The following COL4A5 variants were observed in gnomAD, a reference collection of about 807,000 sequenced individuals.
The protein encoded by COL4A5 is collagen alpha-5(IV) chain.
A neutral mutation model predicts 130.2 loss-of-function variants in COL4A5; 26 were observed. The ratio of observed to expected loss-of-function variants is 0.20; its 90% CI spans 0.15 to 0.28. The LOEUF is 0.28. COL4A5 is among the 10% of genes least tolerant of loss of function. The pLI, the probability that COL4A5 is intolerant of heterozygous loss-of-function variation, is 1.00. For synonymous variants in COL4A5, 496 were observed against 439.6 expected, an observed-to-expected ratio of 1.13 and a Z score of -1.60; for missense variants, 1,131 against 1,344.3, an observed-to-expected ratio of 0.84 and a Z score of 2.48.
intron 42 of COL4A5, among the ~76,000 whole-genome samples, chrX:108,672,690 G>A (rs1221505636): frequency 1.8e-5 from 2 of 111,751 alleles, no homozygotes; most frequent in African/African-American, 6.5e-5. Context: ...TTTTAAAATA[G>A]AGTCTTAGAA....
intron 42 of COL4A5, among the ~76,000 whole-genome samples, chrX:108,673,057 C>A (rs918332130): frequency 4.5e-5 from 5 of 111,945 alleles, no homozygotes; most frequent in Admixed American, 9.5e-5. Context: ...TGACATGCCA[C>A]AATTTACATC....
chrX:108,681,465 C>T (rs1458383753), intron 46 of COL4A5, among the ~76,000 whole-genome samples: 1 of 110,355 alleles, frequency 9.1e-6, no homozygotes, highest in Non-Finnish European at 1.9e-5. Flanking sequence ...CCCCTGACAC[C>T]AGTGTTCACA....
intron 1 of COL4A5, among the ~76,000 whole-genome samples, chrX:108,464,564 A>G (rs1201057226): frequency 8.9e-6 from 1 of 112,446 alleles, no homozygotes; most frequent in African/African-American, 3.2e-5. Flanking sequence ...ATTGGGTTGA[A>G]TTAAATATTT....
intron 1 of COL4A5, among the ~76,000 whole-genome samples, chrX:108,445,557 C>T (rs945065101): frequency 1.8e-5 from 2 of 111,815 alleles, no homozygotes; most frequent in African/African-American, 6.5e-5. Context: ...GCTAAATAGT[C>T]CTGTGAAACT....
intron 42 of COL4A5, among the ~76,000 whole-genome samples, chrX:108,672,977 T>C (rs2068233766): frequency 8.9e-6 from 1 of 112,285 alleles, no homozygotes; most frequent in Non-Finnish European, 1.9e-5. Flanking sequence ...ATATTTAGCT[T>C]TCTGAATTTC....
At chrX:108,607,565 C>T (rs2066755974) in intron 29 of COL4A5, among the ~76,000 whole-genome samples, 1 of 97,360 alleles carries the variant, frequency 1.0e-5, no homozygotes, top group African/African-American at 3.8e-5. Flanking sequence ...CTCACTGCAA[C>T]CTCCACCTCC....
intron 2 of COL4A5, among the ~76,000 whole-genome samples, chrX:108,548,556 A>T (rs1293649279): frequency 1.8e-5 from 2 of 111,684 alleles, no homozygotes; most frequent in Non-Finnish European, 3.8e-5. Context: ...AGAAGAATAA[A>T]TTATGGGGCA....
At chrX:108,507,004 A>T (rs1315550715) in intron 1 of COL4A5, among the ~76,000 whole-genome samples, 2 of 110,713 alleles carry the variant, frequency 1.8e-5, no homozygotes, top group Non-Finnish European at 3.8e-5. Context: ...GAAGAAATGG[A>T]TTCCCTGAAC....
chrX:108,443,170 G>A (rs2064418605), intron 1 of COL4A5: 4 of 112,049 alleles, frequency 3.6e-5, no homozygotes, highest in Middle Eastern at 4.6e-3. Context: ...AAGCAGCATG[G>A]TGTAATGGAA....
At chrX:108,492,298 C>A (rs955798544) in intron 1 of COL4A5, among the ~76,000 whole-genome samples, 1 of 111,645 alleles carries the variant, frequency 9.0e-6, no homozygotes, top group Non-Finnish European at 1.9e-5. Flanking sequence ...TCACTAGATG[C>A]TCACTACGAT....
chrX:108,471,470 T>C (rs1434253555), intron 1 of COL4A5, among the ~76,000 whole-genome samples: 1 of 111,899 alleles, frequency 8.9e-6, no homozygotes, highest in African/African-American at 3.2e-5. Context: ...GAAGTGGCAA[T>C]CATTTTTGTA....
intron 4 of COL4A5, among the ~76,000 whole-genome samples, chrX:108,566,301 T>G (rs1206392187): frequency 5.4e-5 from 6 of 110,515 alleles, no homozygotes; most frequent in Non-Finnish European, 9.4e-5. Flanking sequence ...TAGTCATTTT[T>G]TTGAAGGCCA....
intron 1 of COL4A5, among the ~76,000 whole-genome samples, chrX:108,504,666 A>C (rs1198981128): frequency 6.2e-5 from 7 of 112,449 alleles, no homozygotes; most frequent in Non-Finnish European, 1.3e-4. Context: ...ATCAATGTAA[A>C]TGCAAATTAA....
chrX:108,468,104 C>G (rs1157927993), intron 1 of COL4A5, among the ~76,000 whole-genome samples: 1 of 111,505 alleles, frequency 9.0e-6, no homozygotes, highest in Non-Finnish European at 1.9e-5. Flanking sequence ...TAATTTTATA[C>G]TATATTTTAA....
chrX:108,671,689 G>T (rs1480165346), intron 42 of COL4A5, among the ~76,000 whole-genome samples: 2 of 111,844 alleles, frequency 1.8e-5, no homozygotes, highest in Non-Finnish European at 3.8e-5. Context: ...GAGAGGGGTG[G>T]GTTCTTGTTA....
chrX:108,482,998 A>G (rs752638242), intron 1 of COL4A5, among the ~76,000 whole-genome samples: 1 of 111,684 alleles, frequency 9.0e-6, no homozygotes, highest in East Asian at 2.8e-4. Context: ...ATAATTCTCT[A>G]AATAGTTCAT....
rs2066574337 is a variant in COL4A5 at position 108,598,880 on chromosome X, CTG to C, written c.1948+14_1948+15del. The C allele has an allele frequency of 8.3e-6, 10 of 1,209,595 alleles. No individual in the cohort carries two copies. The East Asian group carries it at 3.0e-4, about 36-fold the overall frequency. ...CAGCCAGGAATACCAGGTAAGTTTA[CTG>C]TGTTTTGTTTTAAACTTGGTGCTTA... On this transcript the variant is annotated intron_variant, in intron 25 of 52. Coordinates refer to ENST00000328300, the MANE Select transcript of COL4A5 (RefSeq NM_033380.3).
intron 22 of COL4A5, among the ~76,000 whole-genome samples, chrX:108,595,949 G>T: frequency 8.9e-6 from 1 of 111,747 alleles, no homozygotes; most frequent in Admixed American, 9.4e-5. Flanking sequence ...AGTTTCCAGT[G>T]GCAGAGATTC....
intron 36 of COL4A5, among the ~76,000 whole-genome samples, chrX:108,644,075 A>G (rs896269798): frequency 1.7e-4 from 19 of 112,234 alleles, no homozygotes; most frequent in African/African-American, 5.8e-4. Flanking sequence ...AAAAGCGAGC[A>G]AGAGTAGCTA....
Sources: gnomAD v4.1 joint callset for allele counts (sites outside exome capture counted in the v4.1 genomes callset) on GRCh38, gnomAD v4.1.1 for gene constraint, MANE v1.5 for transcripts, NCBI Gene and HGNC (gene_info 2026-07-23, HGNC 2026-07-21) for gene names.